Variants in SLC23A2 observed in about 807,000 individuals in gnomAD.
SLC23A2 encodes the protein solute carrier family 23 member 2.
A neutral mutation model predicts 73.3 loss-of-function variants in SLC23A2; 36 were observed. That is an observed-to-expected ratio of 0.49 (90% CI 0.38 to 0.65). The LOEUF (loss-of-function observed/expected upper bound fraction) is 0.65, where lower values mean the gene tolerates loss of function less well. Among genes scored for constraint, SLC23A2 ranks in the 30% least tolerant of loss-of-function variants. The probability of loss-of-function intolerance (pLI) is 0.00; values close to 1 mark genes in which losing one functional copy is unlikely to be tolerated. For synonymous variants in SLC23A2, 343 were observed against 327.3 expected, an observed-to-expected ratio of 1.05 and a Z score of -0.52; for missense variants, 507 against 841.6, an observed-to-expected ratio of 0.60 and a Z score of 4.92.
chr20:4,905,097 G>C (rs965337445), intron 4 of SLC23A2, among the ~76,000 whole-genome samples: 11 of 118,042 alleles, frequency 9.3e-5, no homozygotes, highest in African/African-American at 3.0e-4. Flanking sequence ...CTGGGCAACA[G>C]AGAGAGATTC....
At chr20:4,877,725 G>A (rs1157979455) in intron 9 of SLC23A2, among the ~76,000 whole-genome samples, 1 of 152,166 alleles carries the variant, frequency 6.6e-6, no homozygotes, top group Non-Finnish European at 1.5e-5. Flanking sequence ...GTTTTGGAGT[G>A]CCTGGTATTG....
intron 9 of SLC23A2, among the ~76,000 whole-genome samples, chr20:4,880,207 T>G (rs1348784590): frequency 6.6e-6 from 1 of 152,242 alleles, no homozygotes; most frequent in Non-Finnish European, 1.5e-5. Flanking sequence ...CACAGAGCTC[T>G]GGAACAGTTT....
At chr20:4,901,554 G>C (rs1318065343) in intron 5 of SLC23A2, among the ~76,000 whole-genome samples, 1 of 152,190 alleles carries the variant, frequency 6.6e-6, no homozygotes, top group Non-Finnish European at 1.5e-5. Context: ...TGAAGACAGA[G>C]GAGGGAAGTA....
intron 6 of SLC23A2, among the ~76,000 whole-genome samples, chr20:4,898,135 G>A (rs1330172322): frequency 6.6e-6 from 1 of 152,206 alleles, no homozygotes; most frequent in East Asian, 1.9e-4. Context: ...CCTTCCCCTA[G>A]TCGGTCAGTG....
chr20:4,983,366 G>C (rs1331695329), intron 1 of SLC23A2, among the ~76,000 whole-genome samples: 1 of 152,122 alleles, frequency 6.6e-6, no homozygotes, highest in East Asian at 1.9e-4. Context: ...ACACAAGCAG[G>C]CTGGGCGCAG....
chr20:4,856,908 G>A lies in SLC23A2; in HGVS notation c.*64C>T. 9.9e-7 allele frequency: 1 copy of A among 1,013,692 alleles called. No homozygotes were observed. The highest frequency in any genetic ancestry group is 1.5e-6 in the Non-Finnish European group (1 of 656,316). 62.8% of individuals were successfully genotyped at this position (1,013,692 alleles called of 1,614,324 possible). A position where few individuals can be genotyped will look rare whatever the true frequency, so the allele number is the denominator to read the frequency against. On this transcript the variant is annotated 3_prime_UTR_variant, in exon 17 of 17. Coordinates refer to ENST00000338244, the MANE Select transcript of SLC23A2 (RefSeq NM_005116.6). This position sits in a 1 kb window ranked among gnomAD's most constrained non-coding sequence, Gnocchi z 4.6. ...TATACAAACATGTATTTTACTTCTTGTTACTCAGCAAGGAACTACAGATAC... is the reference window on the plus strand; with the variant it reads ...TATACAAACATGTATTTTACTTCTTATTACTCAGCAAGGAACTACAGATAC...
At chr20:4,881,694 A>AT (rs1333225515) in intron 9 of SLC23A2, among the ~76,000 whole-genome samples, 2 of 151,796 alleles carry the variant, frequency 1.3e-5, no homozygotes, top group Non-Finnish European at 2.9e-5. Context: ...TACTAGGTTC[A>AT]TTTTTTTGTC....
chr20:5,005,678 A>G (rs927396359), upstream of SLC23A2, among the ~76,000 whole-genome samples: 2 of 152,202 alleles, frequency 1.3e-5, no homozygotes, highest in Admixed American at 1.3e-4. Flanking sequence ...ATGACATTAT[A>G]TAGGTACAGT....
At chr20:4,978,520 G>A (rs1428048305) in intron 1 of SLC23A2, among the ~76,000 whole-genome samples, 2 of 152,160 alleles carry the variant, frequency 1.3e-5, no homozygotes, top group Admixed American at 1.3e-4. Context: ...GAAAGACAGT[G>A]CTTAATGAAG....
chr20:4,964,644 T>C (rs2087445193), intron 2 of SLC23A2, among the ~76,000 whole-genome samples: 2 of 152,056 alleles, frequency 1.3e-5, no homozygotes, highest in South Asian at 4.2e-4. Context: ...GATAATCCCA[T>C]TTCAGTGTGT....
chr20:4,858,504 T>C (rs1271952462), intron 16 of SLC23A2, among the ~76,000 whole-genome samples: 1 of 152,014 alleles, frequency 6.6e-6, no homozygotes, highest in Non-Finnish European at 1.5e-5. Flanking sequence ...CTGCCTTGGT[T>C]TCCCCAGCAA....
Position 4,902,409 on chromosome 20 carries a change from TG to T in SLC23A2, c.324+32del. On this transcript the variant is annotated intron_variant, in intron 5 of 16. Coordinates refer to ENST00000338244, the MANE Select transcript of SLC23A2 (RefSeq NM_005116.6). This position sits in a 1 kb window ranked among gnomAD's most constrained non-coding sequence, Gnocchi z 4.0. ...GATGGTAGACAATGCAAACACCTGC[TG>T]GTAGTTACACATCCTACAGGAACCA... The T allele has an allele frequency of 2.6e-6, 3 of 1,159,808 alleles. No individual in the cohort carries two copies. The Middle Eastern group carries it at 5.9e-4, about 228-fold the overall frequency. The allele number at this position is 1,159,808 out of a possible 1,614,324, so 71.8% of individuals were successfully genotyped here. A position where few individuals can be genotyped will look rare whatever the true frequency, so the allele number is the denominator to read the frequency against.
chr20:4,931,066 A>AAG (rs1215699561), intron 3 of SLC23A2, among the ~76,000 whole-genome samples: 1 of 105,620 alleles, frequency 9.5e-6, no homozygotes, highest in Non-Finnish European at 1.9e-5. Context: ...TTATTTTTTT[A>AAG]AGAAAAAAAA....
At chr20:4,915,763 C>G (rs1478429797) in intron 3 of SLC23A2, among the ~76,000 whole-genome samples, 1 of 152,112 alleles carries the variant, frequency 6.6e-6, no homozygotes, top group East Asian at 1.9e-4. Context: ...GCCTGGCCAA[C>G]ATGGCAAAAC....
chr20:4,978,875 G>A (rs1035710871), intron 1 of SLC23A2, among the ~76,000 whole-genome samples: 2 of 152,116 alleles, frequency 1.3e-5, no homozygotes, highest in Non-Finnish European at 2.9e-5. Context: ...AACGGATGCC[G>A]ATTTTTAAAC....
intron 6 of SLC23A2, among the ~76,000 whole-genome samples, chr20:4,888,294 T>A (rs186344625): frequency 8.5e-5 from 13 of 152,352 alleles, no homozygotes; most frequent in Admixed American, 7.2e-4. Context: ...TTTCACGCTA[T>A]CACGGTGGAG....
chr20:4,914,769 G>A (rs897793547), intron 3 of SLC23A2, among the ~76,000 whole-genome samples: 4 of 152,130 alleles, frequency 2.6e-5, no homozygotes, highest in Admixed American at 1.3e-4. Flanking sequence ...CACTGGACAC[G>A]GTGGCTCAGG....
At position 4,883,577 on chromosome 20, in the gene SLC23A2, G is replaced by T; in HGVS notation, c.824+65C>A. On this transcript the variant is annotated intron_variant, in intron 9 of 16. Coordinates refer to ENST00000338244, the MANE Select transcript of SLC23A2 (RefSeq NM_005116.6). The surrounding 1 kb of genome is among the most constrained non-coding windows in gnomAD (Gnocchi z 4.5). ...TTATTGAAAAACATTATCTCCTGAA[G>T]TCTGTGTGAATGTTCCTAAAGGCTG... is the stretch of plus-strand genomic sequence containing the variant. 1 of 1,114,958 alleles carries T rather than the reference G, an allele frequency of 9.0e-7. No homozygotes were observed. The highest frequency in any genetic ancestry group is 1.3e-6 in the Non-Finnish European group (1 of 772,688). The allele number at this position is 1,114,958 out of a possible 1,614,324, so 69.1% of individuals were successfully genotyped here.
chr20:4,970,393 T>A (rs2087542649), intron 2 of SLC23A2, among the ~76,000 whole-genome samples: 1 of 152,058 alleles, frequency 6.6e-6, no homozygotes, highest in Non-Finnish European at 1.5e-5. Flanking sequence ...TAAGGTCAAG[T>A]ACAAAAGGGT....
Sources: allele counts gnomAD v4.1 joint callset (sites outside exome capture counted in the v4.1 genomes callset), GRCh38; gene constraint gnomAD v4.1.1; non-coding constraint Gnocchi (gnomAD v3.1); transcripts MANE v1.5; gene names NCBI Gene and HGNC (gene_info 2026-07-23, HGNC 2026-07-21).